The following SPTLC1 variants were observed in gnomAD, a reference collection of about 807,000 sequenced individuals.
The protein encoded by SPTLC1 is serine palmitoyltransferase long chain base subunit 1.
SPTLC1 carries 55 observed loss-of-function variants against 68.9 expected under a neutral mutation model. That is an observed-to-expected ratio of 0.80 (90% CI 0.64 to 1.00). SPTLC1 has a LOEUF of 1.00. Ranked by LOEUF, SPTLC1 falls within the 50% of genes least tolerant of loss-of-function variation. SPTLC1 has a pLI of 0.00. For synonymous variants in SPTLC1, 197 were observed against 201.6 expected (o/e 0.98, Z 0.19); for missense variants, 449 against 573.1 (o/e 0.78, Z 2.21).
In SPTLC1 at chr9:92,047,657, T is replaced by C. The variant is rs199609730; in HGVS notation, c.940A>G (p.Ile314Val). The change falls in exon 10 of 15, where the codon ATT (isoleucine) becomes GTT (valine). Residue 314 changes from isoleucine to valine, a missense_variant. Physicochemically the swap from Ile to Val is conservative, Grantham distance 29. Transcript: ENST00000262554. ...SANMENALAS[I>V]GGFCCGRSFV... Reference sequence around the variant, plus strand: ...GACCTGCCACAGCAGAAACCTCCAATAGAAGCAAGTGCATTCTCCATGTTG... The same window carrying C: ...GACCTGCCACAGCAGAAACCTCCAACAGAAGCAAGTGCATTCTCCATGTTG... 37 of 1,613,920 alleles carry C rather than the reference T, an allele frequency of 2.3e-5. No individual in the cohort carries two copies. Among genetic ancestry groups the C allele is most frequent in the African/African-American group, 6.7e-5 (5 of 75,016 alleles).
chr9:92,049,131 C>T (rs1385744140), intron 9 of SPTLC1, among the ~76,000 whole-genome samples: 1 of 152,164 alleles, frequency 6.6e-6, no homozygotes, highest in African/African-American at 2.4e-5. Flanking sequence ...GTGCTTCCAT[C>T]CAACCTCCCG....
intron 8 of SPTLC1, 111 bp downstream of exon 8, chr9:92,055,294 G>T: frequency 6.5e-7 from 1 of 1,549,442 alleles, no homozygotes. Flanking sequence ...TGCTTATGAG[G>T]CCTAATGCGC....
At chr9:92,067,876 T>C in intron 6 of SPTLC1, 90 bp downstream of exon 6, 1 of 1,456,922 alleles carries the variant, frequency 6.9e-7, no homozygotes, top group Non-Finnish European at 9.6e-7. Context: ...CATTATTTTA[T>C]GCAGATAACT....
At chr9:92,034,648 A>G (rs1459403848) in intron 14 of SPTLC1, among the ~76,000 whole-genome samples, 162 bp downstream of exon 14, 1 of 152,236 alleles carries the variant, frequency 6.6e-6, no homozygotes, top group Non-Finnish European at 1.5e-5. Context: ...AAATTTTAGA[A>G]ACTTCTAGTT....
rs542084102 is a variant in SPTLC1, at chr9:92,057,437, T to C, written c.690+1742A>G. ...GCCTTCCAGAAAGGCAGTGCCAATT[T>C]AAACTCCTTCCAGTGTCATAGGAAC... On this transcript the variant is annotated intron_variant, in intron 7 of 14. Transcript: ENST00000262554. Among the ~76,000 whole-genome samples the C allele has an allele frequency of 3.3e-5, 5 of 152,352 alleles. No homozygotes were observed. In the South Asian group the frequency reaches 1.0e-3, roughly 32 times the overall value.
chr9:92,110,254 T>C (rs1836179227), intron 2 of SPTLC1: 1 of 152,212 alleles, frequency 6.6e-6, no homozygotes, highest in Non-Finnish European at 1.5e-5. Context: ...AACTTAATAC[T>C]TACATAGAAA....
At chr9:92,068,155 T>C (rs1241583448) in intron 5 of SPTLC1, 57 bp from the exon 6 acceptor site, 1 of 1,524,828 alleles carries the variant, frequency 6.6e-7, no homozygotes, top group African/African-American at 1.4e-5. Context: ...TTTTCTCTAC[T>C]AAAGAACAAA....
At chr9:92,107,170 T>C (rs1424145887) in intron 3 of SPTLC1, among the ~76,000 whole-genome samples, 1 of 152,170 alleles carries the variant, frequency 6.6e-6, no homozygotes, top group African/African-American at 2.4e-5. Flanking sequence ...AACACGGAGA[T>C]AGAAAAACAT....
chr9:92,055,314 C>G, intron 8 of SPTLC1, 91 bp downstream of exon 8: 1 of 1,587,538 alleles, frequency 6.3e-7, no homozygotes, highest in Non-Finnish European at 8.6e-7. Flanking sequence ...CAAAGCAACG[C>G]AGACGTTATA....
chr9:92,077,202 C>A (rs1834712545), intron 5 of SPTLC1, among the ~76,000 whole-genome samples: 1 of 152,118 alleles, frequency 6.6e-6, no homozygotes, highest in African/African-American at 2.4e-5. Flanking sequence ...TACACGGCCG[C>A]ACCTTTCTGC....
intron 13 of SPTLC1, among the ~76,000 whole-genome samples, chr9:92,037,698 T>C (rs189285509): frequency 7.4e-4 from 113 of 152,320 alleles, no homozygotes; most frequent in African/African-American, 2.7e-3. Context: ...AGTAGTAAAA[T>C]AACTTTTGGA....
intron 7 of SPTLC1, among the ~76,000 whole-genome samples, chr9:92,058,070 A>C (rs115029760): frequency 0.018 from 2,670 of 152,308 alleles, 68 homozygotes; most frequent in African/African-American, 0.06. Flanking sequence ...ATCATAAGAA[A>C]CATCTTTTTA....
At chr9:92,053,584 T>G (rs1454136839) in intron 8 of SPTLC1, among the ~76,000 whole-genome samples, 1 of 152,142 alleles carries the variant, frequency 6.6e-6, no homozygotes, top group African/African-American at 2.4e-5. Flanking sequence ...AACTCAGCAT[T>G]AAAAAGGTAT....
At chr9:92,090,435 C>A (rs1416025607) in intron 3 of SPTLC1, among the ~76,000 whole-genome samples, 1 of 152,022 alleles carries the variant, frequency 6.6e-6, no homozygotes, top group Non-Finnish European at 1.5e-5. Context: ...ATGGTGAAAC[C>A]CTGTCTCTAC....
chr9:92,083,522 C>T (rs949516336), intron 3 of SPTLC1, among the ~76,000 whole-genome samples: 2 of 152,308 alleles, frequency 1.3e-5, no homozygotes, highest in African/African-American at 4.8e-5. Context: ...GCTTGATTTT[C>T]TCAGGTTTGT....
intron 2 of SPTLC1, chr9:92,112,044 A>T: frequency 6.0e-6 from 1 of 165,310 alleles, no homozygotes; most frequent in Admixed American, 5.8e-5. Flanking sequence ...TCAATTTGAG[A>T]TGGGTATGAG....
At chr9:92,046,653 T>C (rs981645932) in intron 11 of SPTLC1, among the ~76,000 whole-genome samples, 2 of 152,182 alleles carry the variant, frequency 1.3e-5, no homozygotes, top group Non-Finnish European at 2.9e-5. Flanking sequence ...GGCACTGTCA[T>C]AGCCAAAGGC....
chr9:92,078,972 C>G, intron 5 of SPTLC1: 1 of 849,730 alleles, frequency 1.2e-6, no homozygotes, highest in African/African-American at 1.8e-5. Flanking sequence ...GAAATGGAAA[C>G]AAGGATGGAA....
At chr9:92,067,306 A>AC (rs1587938390) in intron 6 of SPTLC1, among the ~76,000 whole-genome samples, 3 of 118,956 alleles carry the variant, frequency 2.5e-5, no homozygotes, top group South Asian at 2.4e-4. Flanking sequence ...CTCACACACA[A>AC]AAAAAAAAAA....
Sources: gnomAD v4.1 joint callset for allele counts (sites outside exome capture counted in the v4.1 genomes callset) on GRCh38, gnomAD v4.1.1 for gene constraint, MANE v1.5 for transcripts, NCBI Gene and HGNC (gene_info 2026-07-23, HGNC 2026-07-21) for gene names.